Variants in METTL25 observed in about 807,000 individuals in gnomAD.
METTL25 encodes the protein methyltransferase like 25, also known as probable methyltransferase-like protein 25.
METTL25 carries 64 observed loss-of-function variants against 71.6 expected under a neutral mutation model. That is an observed-to-expected ratio of 0.89 (90% CI 0.73 to 1.10). The LOEUF is 1.10. METTL25 is among the 50% of genes least tolerant of loss of function. The probability of loss-of-function intolerance (pLI) is 0.00; values close to 1 mark genes in which losing one functional copy is unlikely to be tolerated. For synonymous variants in METTL25, 287 were observed against 250.3 expected (o/e 1.15, Z -1.38); for missense variants, 807 against 707.0 (o/e 1.14, Z -1.60).
At chr12:82,381,740 A>G (rs1200737572) in intron 1 of METTL25, among the ~76,000 whole-genome samples, 2 of 152,260 alleles carry the variant, frequency 1.3e-5, no homozygotes, top group Non-Finnish European at 2.9e-5. Flanking sequence ...ATTTAAGTCA[A>G]AAGTCAACTG....
At chr12:82,429,990 A>G (rs1307526149) in intron 5 of METTL25, among the ~76,000 whole-genome samples, 1 of 151,410 alleles carries the variant, frequency 6.6e-6, no homozygotes, top group Non-Finnish European at 1.5e-5. Context: ...CTGATCCCTC[A>G]TGGTACAGAA....
intron 9 of METTL25, among the ~76,000 whole-genome samples, chr12:82,463,455 A>G (rs551354057): frequency 1.3e-5 from 2 of 152,206 alleles, no homozygotes; most frequent in Admixed American, 1.3e-4. Context: ...GTTTATACAT[A>G]CCACATTTTC....
chr12:82,466,516 G>T (rs911890867), intron 9 of METTL25, among the ~76,000 whole-genome samples: 11 of 151,942 alleles, frequency 7.2e-5, no homozygotes, highest in Admixed American at 3.9e-4. Flanking sequence ...CTAAGGTATG[G>T]TTAATCCTGG....
At chr12:82,435,044 C>A (rs567254892) in intron 7 of METTL25, among the ~76,000 whole-genome samples, 4 of 151,534 alleles carry the variant, frequency 2.6e-5, no homozygotes, top group East Asian at 3.9e-4. Context: ...GCAAAGATAA[C>A]CTATATTATT....
At chr12:82,392,961 G>C (rs1354023629) in intron 3 of METTL25, among the ~76,000 whole-genome samples, 1 of 151,912 alleles carries the variant, frequency 6.6e-6, no homozygotes, top group African/African-American at 2.4e-5. Context: ...TTAATTCTGG[G>C]TTCTCTATTC....
intron 9 of METTL25, among the ~76,000 whole-genome samples, chr12:82,460,882 G>A (rs147261235): frequency 6.6e-6 from 1 of 152,190 alleles, no homozygotes; most frequent in African/African-American, 2.4e-5. Flanking sequence ...GGTAGCTCAC[G>A]CCTGTAATCC....
In METTL25 at chr12:82,369,568, T is replaced by A. The variant is rs1298565412; in HGVS notation, c.259+10744T>A. The A allele has an allele frequency of 5.8e-5, 23 of 395,762 alleles. No homozygotes were observed. The Admixed American group carries it at 6.4e-4, about 11-fold the overall frequency. The allele number at this position is 395,762 out of a possible 1,614,324, so 24.5% of individuals were successfully genotyped here. A position where few individuals can be genotyped will look rare whatever the true frequency, so the allele number is the denominator to read the frequency against. ...AAGCCGCGGACCTTCACGGTGAGTGTTAACAGCTCTTAAAGGTGATGCAGA... is the reference window on the plus strand; with the variant it reads ...AAGCCGCGGACCTTCACGGTGAGTGATAACAGCTCTTAAAGGTGATGCAGA... On this transcript the variant is annotated intron_variant, in intron 1 of 11. Coordinates refer to ENST00000248306, the MANE Select transcript of METTL25 (RefSeq NM_032230.3).
chr12:82,464,987 T>G (rs192574802), intron 9 of METTL25, among the ~76,000 whole-genome samples: 104 of 152,050 alleles, frequency 6.8e-4, no homozygotes, highest in African/African-American at 2.4e-3. Flanking sequence ...GTTTATTAGT[T>G]CTAAGACTTT....
At chr12:82,426,698 C>A (rs941076463) in intron 5 of METTL25, among the ~76,000 whole-genome samples, 2 of 152,002 alleles carry the variant, frequency 1.3e-5, no homozygotes, top group African/African-American at 4.8e-5. Flanking sequence ...TGCTCCACTT[C>A]TCCAATCACA....
At position 82,430,926 on chromosome 12, in the gene METTL25, G is replaced by A; in HGVS notation, c.1313G>A (p.Cys438Tyr). 1 of 1,600,556 alleles carries A rather than the reference G, an allele frequency of 6.2e-7. No homozygotes were observed. Among genetic ancestry groups the A allele is most frequent in the Non-Finnish European group, 8.5e-7 (1 of 1,171,738 alleles). ...RTQEKWGFPM[C>Y]HYLKEERWCC... is the part of the protein sequence containing the mutation. ...CAGGAAAAGTGGGGATTTCCAATGT[G>A]CCACTATTTAAAGGAAGAGAGATGG... is the stretch of plus-strand genomic sequence containing the variant. Residue 438 changes from cysteine to tyrosine, a missense_variant, in exon 6 of 12, where the codon TGC (cysteine) becomes TAC (tyrosine). By Grantham distance (194) the Cys-to-Tyr change is radical. Coordinates refer to ENST00000248306, the MANE Select transcript of METTL25 (RefSeq NM_032230.3).
At chr12:82,419,246 C>T (rs989685940) in intron 5 of METTL25, among the ~76,000 whole-genome samples, 22 of 152,114 alleles carry the variant, frequency 1.4e-4, no homozygotes, top group African/African-American at 3.9e-4. Context: ...GGAAGAGAAG[C>T]AAGCACCAGG....
At chr12:82,363,728 G>A (rs552716869) in intron 1 of METTL25, among the ~76,000 whole-genome samples, 3 of 54,044 alleles carry the variant, frequency 5.6e-5, no homozygotes, top group East Asian at 9.3e-4. Context: ...AAAACTAGAT[G>A]TTTAAAAAAA....
chr12:82,461,131 A>G (rs775595862), intron 9 of METTL25, among the ~76,000 whole-genome samples: 4 of 152,210 alleles, frequency 2.6e-5, no homozygotes, highest in Non-Finnish European at 5.9e-5. Flanking sequence ...TGACAGAGCA[A>G]GACTCCGTCT....
At chr12:82,406,342 G>A (rs542533588) in intron 5 of METTL25, among the ~76,000 whole-genome samples, 4 of 151,902 alleles carry the variant, frequency 2.6e-5, no homozygotes, top group African/African-American at 9.7e-5. Flanking sequence ...GTAAGTCCCC[G>A]TACCTATATT....
intron 5 of METTL25, among the ~76,000 whole-genome samples, chr12:82,424,138 A>T (rs1332339560): frequency 1.6e-4 from 24 of 152,214 alleles, no homozygotes; most frequent in Middle Eastern, 3.2e-3. Context: ...AACCAACCCA[A>T]ATGTCCAACA....
chr12:82,434,645 C>A (rs201460041), intron 6 of METTL25, 50 bp from the exon 7 acceptor site: 1 of 372,912 alleles, frequency 2.7e-6, no homozygotes, highest in Non-Finnish European at 4.4e-6. Context: ...GTTTATAAAT[C>A]TTATAAGACT....
At chr12:82,477,804 T>G (rs1892965799) in intron 11 of METTL25, among the ~76,000 whole-genome samples, 1 of 151,796 alleles carries the variant, frequency 6.6e-6, no homozygotes, top group East Asian at 1.9e-4. Context: ...ACAATCTTAC[T>G]TATCTATGTT....
At chr12:82,394,061 T>C (rs1885863434) in intron 3 of METTL25, among the ~76,000 whole-genome samples, 1 of 152,088 alleles carries the variant, frequency 6.6e-6, no homozygotes, top group African/African-American at 2.4e-5. Flanking sequence ...AGAGTTTCTC[T>C]TGTTATTGAT....
chr12:82,447,212 A>G (rs964977200), intron 8 of METTL25, among the ~76,000 whole-genome samples: 2 of 152,158 alleles, frequency 1.3e-5, no homozygotes, highest in South Asian at 2.1e-4. Flanking sequence ...GAAAATATAT[A>G]TACATGCCTC....
Sources: allele counts gnomAD v4.1 joint callset (sites outside exome capture counted in the v4.1 genomes callset), GRCh38; gene constraint gnomAD v4.1.1; transcripts MANE v1.5; gene names NCBI Gene and HGNC (gene_info 2026-07-23, HGNC 2026-07-21).